Variants in BMPER observed in about 807,000 individuals in gnomAD.
BMPER encodes BMP binding endothelial regulator.
A neutral mutation model predicts 87.3 loss-of-function variants in BMPER; 45 were observed. The observed-to-expected ratio is 0.52, with a 90% CI of 0.41 to 0.66. The LOEUF is 0.66. BMPER is among the 30% of genes least tolerant of loss of function. The probability of loss-of-function intolerance (pLI) is 0.00; values close to 1 mark genes in which losing one functional copy is unlikely to be tolerated. For missense variants in BMPER, 784 were observed against 867.5 expected (o/e 0.90, Z 1.21); for synonymous variants, 326 against 316.2 (o/e 1.03, Z -0.33).
chr7:34,034,825 C>A lies in BMPER; in HGVS notation c.577-11481C>A, dbSNP rs1056942197. 7.2e-5 allele frequency among the ~76,000 whole-genome samples: 11 copies of A among 152,324 alleles called. No individual in the cohort carries two copies. The South Asian group carries it at 2.3e-3, about 32-fold the overall frequency. ...TTATGTTGGTGATAGCATGTTCCTTCTGTCAGGCTCAGTCAGTAGGTGATT... is the reference window on the plus strand; with the variant it reads ...TTATGTTGGTGATAGCATGTTCCTTATGTCAGGCTCAGTCAGTAGGTGATT... On this transcript the variant is annotated intron_variant, in intron 6 of 14. Coordinates refer to ENST00000649409, the MANE Select transcript of BMPER (RefSeq NM_001365308.1).
intron 2 of BMPER, among the ~76,000 whole-genome samples, chr7:33,925,014 T>C (rs1406423416): frequency 6.6e-6 from 1 of 152,210 alleles, no homozygotes; most frequent in Admixed American, 6.5e-5. Context: ...CTTGTTATTC[T>C]GTTCCCTTGT....
intron 13 of BMPER, among the ~76,000 whole-genome samples, chr7:34,140,424 CA>C (rs35005157): frequency 0.15 from 23,129 of 152,172 alleles, 2,122 homozygotes; most frequent in Non-Finnish European, 0.2. Flanking sequence ...TATAAAAATA[CA>C]TACAACATTT....
In BMPER at chr7:34,055,252, A is replaced by G; in HGVS notation, c.876A>G (p.Arg292=). 1 of 1,614,164 alleles carries G rather than the reference A, an allele frequency of 6.2e-7. No homozygotes were observed. Among genetic ancestry groups the G allele is most frequent in the Admixed American group, 1.7e-5 (1 of 60,024 alleles). ...GCTGTTGTGAAGAGTGCCTCCTACG[A>G]GTGCCCCCAGAAGACATCAAAGTAT... ...QEGCCEECLL[R]VPPEDIKVCK... The change falls in exon 9 of 15, where the codon CGA becomes CGG. Residue 292 remains arginine (R), a synonymous_variant. Transcript: ENST00000649409.
intron 10 of BMPER, 46 bp from the exon 11 acceptor site, chr7:34,061,956 T>TTTTG: frequency 6.7e-7 from 1 of 1,488,862 alleles, no homozygotes; most frequent in Non-Finnish European, 9.2e-7. Context: ...CCCTGTTTTT[T>TTTTG]TTTTTTTTTA....
chr7:33,970,227 G>A (rs1785506546), intron 4 of BMPER, 102 bp from the exon 5 acceptor site: 7 of 1,182,830 alleles, frequency 5.9e-6, no homozygotes, highest in Admixed American at 3.4e-5. Context: ...CAAACCTTGT[G>A]GTTTTTGTGC....
intron 11 of BMPER, chr7:34,067,117 A>G (rs1244203773): frequency 6.6e-6 from 1 of 152,218 alleles, no homozygotes; most frequent in Non-Finnish European, 1.5e-5. Context: ...CATGTCCCAG[A>G]AGTAACAGGA....
intron 3 of BMPER, among the ~76,000 whole-genome samples, chr7:33,938,436 G>A (rs1286584252): frequency 6.6e-6 from 1 of 152,174 alleles, no homozygotes; most frequent in African/African-American, 2.4e-5. Flanking sequence ...TATAAGAAGA[G>A]GAAGAGACAG....
chr7:33,945,243 CTTTTTT>C (rs376447828), intron 3 of BMPER, among the ~76,000 whole-genome samples: 6 of 81,758 alleles, frequency 7.3e-5, no homozygotes, highest in East Asian at 8.7e-4. Flanking sequence ...GCCTGGACTT[CTTTTTT>C]TTTTTTTTTT....
intron 6 of BMPER, among the ~76,000 whole-genome samples, chr7:33,986,838 A>G (rs745361855): frequency 3.9e-5 from 6 of 152,200 alleles, no homozygotes; most frequent in Non-Finnish European, 5.9e-5. Context: ...GAACTTTCTG[A>G]TCTTTTTGTC....
At chr7:33,912,751 A>G (rs1233971358) in intron 2 of BMPER, among the ~76,000 whole-genome samples, 1 of 152,230 alleles carries the variant, frequency 6.6e-6, no homozygotes, top group Non-Finnish European at 1.5e-5. Flanking sequence ...TGGGAGGTCA[A>G]GTGTGCTTGT....
At chr7:34,120,148 A>G (rs1790225406) in intron 13 of BMPER, among the ~76,000 whole-genome samples, 1 of 152,220 alleles carries the variant, frequency 6.6e-6, no homozygotes, top group African/African-American at 2.4e-5. Context: ...CCTCAAGCTG[A>G]GAAGATGTAA....
intron 3 of BMPER, among the ~76,000 whole-genome samples, chr7:33,941,176 A>G (rs1254709803): frequency 7.1e-6 from 1 of 139,912 alleles, no homozygotes; most frequent in Non-Finnish European, 1.5e-5. Flanking sequence ...ATATATTTAT[A>G]TATAATATAA....
At chr7:33,958,718 T>A (rs762251709) in intron 3 of BMPER, among the ~76,000 whole-genome samples, 10 of 152,236 alleles carry the variant, frequency 6.6e-5, no homozygotes, top group Non-Finnish European at 1.0e-4. Context: ...TTTTTGAAGC[T>A]TGGTTCCCTC....
rs771415059 is a variant in BMPER at position 33,966,552 on chromosome 7, C to T, written c.393C>T (p.Arg131=). 45 of 1,613,590 alleles carry T rather than the reference C, an allele frequency of 2.8e-5. No individual in the cohort carries two copies. Among genetic ancestry groups the T allele is most frequent in the Non-Finnish European group, 3.8e-5 (45 of 1,179,584 alleles). ...WQSPAEPCVL[R]QCQEGVVTES... ...GCCCGGCTGAGCCTTGTGTTCTACG[C>T]CAGTGCCAGGTAAAGTTCAATTATT... The change falls in exon 4 of 15, where the codon CGC becomes CGT. Residue 131 remains arginine, a synonymous_variant. Transcript: ENST00000649409.
At chr7:34,000,480 A>G (rs990102669) in intron 6 of BMPER, among the ~76,000 whole-genome samples, 4 of 152,126 alleles carry the variant, frequency 2.6e-5, no homozygotes, top group African/African-American at 9.7e-5. Context: ...TTATAAAAGA[A>G]AAGAAAAATA....
rs1212587265 is a variant in BMPER at position 34,046,413 on chromosome 7, A to G, written c.676+8A>G. On this transcript the variant is annotated splice_region_variant and intron_variant, in intron 7 of 14. Coordinates refer to ENST00000649409, the MANE Select transcript of BMPER (RefSeq NM_001365308.1). ...GCTGCCCCAAATGTTTGGGTGAGTT[A>G]CTATTTTCAGGTCAAAGAACAATGT... is the stretch of plus-strand genomic sequence containing the variant. 2.5e-6 allele frequency: 4 copies of G among 1,609,180 alleles called. No individual in the cohort carries two copies. Among genetic ancestry groups the G allele is most frequent in the African/African-American group, 2.7e-5 (2 of 74,772 alleles).
chr7:34,125,292 C>T (rs1461808578), intron 13 of BMPER, among the ~76,000 whole-genome samples: 1 of 152,082 alleles, frequency 6.6e-6, no homozygotes, highest in Non-Finnish European at 1.5e-5. Flanking sequence ...TCCTTGTTTG[C>T]CTTTCACACT....
chr7:34,078,749 T>G, intron 11 of BMPER, 108 bp from the exon 12 acceptor site: 1 of 1,133,494 alleles, frequency 8.8e-7, no homozygotes, highest in Non-Finnish European at 1.3e-6. Flanking sequence ...TTGATTTCCC[T>G]TAGTGCATTT....
At chr7:34,053,921 G>A (rs1788211340) in intron 8 of BMPER, among the ~76,000 whole-genome samples, 1 of 152,140 alleles carries the variant, frequency 6.6e-6, no homozygotes, top group South Asian at 2.1e-4. Context: ...AGATCTCTGT[G>A]CCTTCAAATT....
Sources: allele counts gnomAD v4.1 joint callset (sites outside exome capture counted in the v4.1 genomes callset), GRCh38; gene constraint gnomAD v4.1.1; transcripts MANE v1.5; gene names NCBI Gene and HGNC (gene_info 2026-07-23, HGNC 2026-07-21).